PRKG1: variants seen among roughly 807,000 people sequenced by gnomAD.
PRKG1 encodes the protein cGMP-dependent protein kinase 1.
A neutral mutation model predicts 88.1 loss-of-function variants in PRKG1; 35 were observed. That is an observed-to-expected ratio of 0.40 (90% CI 0.30 to 0.53). The LOEUF is 0.53. Ranked by LOEUF, PRKG1 falls within the 20% of genes least tolerant of loss-of-function variation. PRKG1 has a pLI of 0.59. For missense variants in PRKG1, 540 were observed against 839.8 expected, an observed-to-expected ratio of 0.64 and a Z score of 4.41; for synonymous variants, 303 against 292.5, an observed-to-expected ratio of 1.04 and a Z score of -0.37.
chr10:51,726,772 T>C (rs1468271564), intron 3 of PRKG1, among the ~76,000 whole-genome samples: 1 of 152,138 alleles, frequency 6.6e-6, no homozygotes, highest in Non-Finnish European at 1.5e-5. Context: ...TAGTCTGACA[T>C]ATTTTGTTTG....
chr10:51,819,681 C>T (rs1839692601), intron 4 of PRKG1, among the ~76,000 whole-genome samples: 1 of 152,090 alleles, frequency 6.6e-6, no homozygotes. Context: ...GTAAGTGACC[C>T]TCTAGAAGGA....
chr10:51,383,189 G>A (rs540751079), intron 2 of PRKG1, among the ~76,000 whole-genome samples: 2 of 152,142 alleles, frequency 1.3e-5, no homozygotes, highest in South Asian at 2.1e-4. Context: ...GAATGAAGTC[G>A]GTGCTGAATA....
At chr10:51,446,049 C>A (rs145927566) in intron 2 of PRKG1, among the ~76,000 whole-genome samples, 39 of 152,030 alleles carry the variant, frequency 2.6e-4, no homozygotes, top group Non-Finnish European at 4.9e-4. Flanking sequence ...GTTCATTAAT[C>A]CAACGGTCCT....
intron 3 of PRKG1, among the ~76,000 whole-genome samples, chr10:51,501,149 A>AT (rs1841013570): frequency 6.6e-6 from 1 of 151,856 alleles, no homozygotes; most frequent in South Asian, 2.1e-4. Context: ...AATCCCTTTT[A>AT]TTTTTGCTTA....
intron 3 of PRKG1, among the ~76,000 whole-genome samples, chr10:51,634,540 T>G (rs1839607311): frequency 1.3e-5 from 2 of 152,106 alleles, no homozygotes; most frequent in African/African-American, 4.8e-5. Flanking sequence ...TTAAAGTAAT[T>G]GGACACTTTC....
At chr10:51,588,275 C>T (rs865979406) in intron 3 of PRKG1, among the ~76,000 whole-genome samples, 4 of 152,154 alleles carry the variant, frequency 2.6e-5, no homozygotes, top group African/African-American at 9.7e-5. Flanking sequence ...ATCATCCATA[C>T]CTTTGACATG....
chr10:51,378,917 A>G (rs763041537), intron 2 of PRKG1, among the ~76,000 whole-genome samples: 9 of 152,310 alleles, frequency 5.9e-5, no homozygotes, highest in African/African-American at 9.6e-5. Flanking sequence ...AGAAATTTCT[A>G]TATAATAGTA....
chr10:51,490,530 T>C (rs1263108718), intron 3 of PRKG1, among the ~76,000 whole-genome samples: 1 of 152,120 alleles, frequency 6.6e-6, no homozygotes, highest in Non-Finnish European at 1.5e-5. Context: ...TATTACTTAA[T>C]CCTCAAAGCT....
chr10:51,954,034 T>G (rs1215464112), intron 5 of PRKG1, among the ~76,000 whole-genome samples: 3 of 152,160 alleles, frequency 2.0e-5, no homozygotes, highest in Non-Finnish European at 2.9e-5. Context: ...AATGAATTAT[T>G]GTTACAACCA....
intron 2 of PRKG1, among the ~76,000 whole-genome samples, chr10:51,209,407 T>G (rs1202864359): frequency 6.6e-6 from 1 of 152,152 alleles, no homozygotes; most frequent in Non-Finnish European, 1.5e-5. Flanking sequence ...CATCATGACT[T>G]AAACTGAAGC....
At chr10:51,609,880 A>G (rs1838861094) in intron 3 of PRKG1, among the ~76,000 whole-genome samples, 1 of 152,126 alleles carries the variant, frequency 6.6e-6, no homozygotes. Flanking sequence ...AATATAGGTA[A>G]TGCATGCTGG....
At position 52,272,380 on chromosome 10, in the gene PRKG1, T is replaced by C. The variant is rs777948175; in HGVS notation, c.1314-12T>C. 5.8e-6 allele frequency: 9 copies of C among 1,563,412 alleles called. No individual in the cohort carries two copies. In the East Asian group the frequency reaches 1.8e-4, roughly 31 times the overall value. On this transcript the variant is annotated splice_polypyrimidine_tract_variant and intron_variant, in intron 11 of 17. Transcript: ENST00000373980. ...TGTTTATAATCTTTGTTTTCTTGTT[T>C]GCAATTTACAGACTGTACAGAACAT...
intron 2 of PRKG1, among the ~76,000 whole-genome samples, chr10:51,334,999 CTTTTTT>C (rs918622780): frequency 1.9e-4 from 15 of 78,760 alleles, no homozygotes; most frequent in African/African-American, 2.6e-4. Flanking sequence ...TGTCAGGTTT[CTTTTTT>C]TTTTTTTTTT....
In PRKG1 at chr10:51,545,750, C is replaced by A. The variant is rs76578666; in HGVS notation, c.592+77914C>A. On this transcript the variant is annotated intron_variant, in intron 3 of 17. Coordinates refer to ENST00000373980, the MANE Select transcript of PRKG1 (RefSeq NM_006258.4). ...CTTTATAGCTAGCTTTTACTGTATT[C>A]TTAAAATATTACAAACATATATAGT... Among the ~76,000 whole-genome samples the A allele has an allele frequency of 3.5e-3, 530 of 152,126 alleles. 4 individuals are homozygous for A. The highest frequency in any genetic ancestry group is 5.8e-3 in the Non-Finnish European group (392 of 67,974).
chr10:52,000,108 A>G (rs1425115463), intron 5 of PRKG1, among the ~76,000 whole-genome samples: 1 of 152,022 alleles, frequency 6.6e-6, no homozygotes, highest in Non-Finnish European at 1.5e-5. Context: ...ATTTTTTTCA[A>G]ATAAAATCTC....
chr10:51,709,481 T>C (rs1223800502), intron 3 of PRKG1, among the ~76,000 whole-genome samples: 1 of 152,228 alleles, frequency 6.6e-6, no homozygotes, highest in Non-Finnish European at 1.5e-5. Flanking sequence ...CAGGTGTTTG[T>C]CAATTCCATC....
intron 2 of PRKG1, among the ~76,000 whole-genome samples, chr10:51,395,841 A>G (rs1377715192): frequency 6.6e-6 from 1 of 152,158 alleles, no homozygotes; most frequent in Non-Finnish European, 1.5e-5. Context: ...ATCTAAAGCT[A>G]GATGACCCTG....
At chr10:51,964,254 A>T (rs1216480728) in intron 5 of PRKG1, among the ~76,000 whole-genome samples, 2 of 152,162 alleles carry the variant, frequency 1.3e-5, no homozygotes, top group African/African-American at 4.8e-5. Flanking sequence ...CATCTTCAAA[A>T]TCCCTTTGCC....
chr10:51,276,837 T>G (rs923942820), intron 2 of PRKG1, among the ~76,000 whole-genome samples: 7 of 152,106 alleles, frequency 4.6e-5, no homozygotes, highest in African/African-American at 1.4e-4. Context: ...ATTTGTTTGA[T>G]TTCATTGTAG....
Sources: allele counts gnomAD v4.1 joint callset (sites outside exome capture counted in the v4.1 genomes callset), GRCh38; gene constraint gnomAD v4.1.1; transcripts MANE v1.5; gene names NCBI Gene and HGNC (gene_info 2026-07-23, HGNC 2026-07-21).